Variants in HDAC2 observed in about 807,000 individuals in gnomAD.
HDAC2 encodes the protein histone deacetylase 2.
In HDAC2, 5 loss-of-function variants were observed where a neutral mutation model predicts 68.5. The ratio of observed to expected loss-of-function variants is 0.07; its 90% confidence interval spans 0.04 to 0.15. The LOEUF (loss-of-function observed/expected upper bound fraction) is 0.15. Among genes scored for constraint, HDAC2 ranks in the 10% least tolerant of loss-of-function variants. HDAC2 has a pLI of 1.00. For missense variants in HDAC2, 291 were observed against 600.8 expected (o/e 0.48, Z 5.39); for synonymous variants, 182 against 191.3 (o/e 0.95, Z 0.40).
intron 1 of HDAC2, among the ~76,000 whole-genome samples, chr6:113,969,164 G>A (rs982268596): frequency 6.6e-6 from 1 of 152,168 alleles, no homozygotes; most frequent in Non-Finnish European, 1.5e-5. Context: ...AAATTAAAAT[G>A]TATTTCCATC....
intron 12 of HDAC2, 105 bp downstream of exon 12, chr6:113,943,243 TTCC>T (rs1476809823): frequency 6.8e-5 from 53 of 778,788 alleles, no homozygotes; most frequent in Admixed American, 2.6e-4. Context: ...CCTAGCATAC[TTCC>T]TCCTGATACC....
chr6:113,945,191 A>G (rs1354982662), intron 10 of HDAC2, among the ~76,000 whole-genome samples, 171 bp downstream of exon 10: 1 of 134,580 alleles, frequency 7.4e-6, no homozygotes, highest in Non-Finnish European at 1.7e-5. Flanking sequence ...CAAAAAAATT[A>G]AAAATTAAAA....
At position 113,958,770 on chromosome 6, in the gene HDAC2, T is replaced by A. The variant is rs1196926544; in HGVS notation, c.166-4A>T. 2 of 1,487,918 alleles carry A rather than the reference T, an allele frequency of 1.3e-6. No homozygotes were observed. Among genetic ancestry groups the A allele is most frequent in the Non-Finnish European group, 1.9e-6 (2 of 1,066,026 alleles). 92.2% of individuals were successfully genotyped at this position (1,487,918 alleles called of 1,614,324 possible). A position where few individuals can be genotyped will look rare whatever the true frequency, so the allele number is the denominator to read the frequency against. ...CGGCAGTGGCTTTATGGGGCCTCTG[T>A]GAAGAGAAATAAATGTCAGAACTGT... On this transcript the variant is annotated splice_region_variant and splice_polypyrimidine_tract_variant and intron_variant, in intron 2 of 13. Coordinates refer to ENST00000519065, the MANE Select transcript of HDAC2 (RefSeq NM_001527.4).
chr6:113,964,573 T>C (rs932665508), intron 1 of HDAC2, among the ~76,000 whole-genome samples: 12 of 152,180 alleles, frequency 7.9e-5, no homozygotes, highest in Admixed American at 2.0e-4. Flanking sequence ...CAGTGAACAA[T>C]AGTTCTGCCC....
rs1776258476 is a variant in HDAC2, at chr6:113,946,147, A to T, written c.843T>A (p.Gly281=). 6.2e-7 allele frequency: 1 copy of T among 1,608,776 alleles called. No homozygotes were observed. Among genetic ancestry groups the T allele is most frequent in the South Asian group, 1.1e-5 (1 of 89,970 alleles). ...TTACAACTTCTACACATTTAGCATG[A>T]CCTAAGACAAGAAGATTTGGGTAAC... The part of the protein sequence containing the change: ...RLGCFNLTVK[G]HAKCVEVVKT... The change falls in exon 9 of 14, where the codon GGT becomes GGA. Residue 281 remains glycine (G), a splice_region_variant and synonymous_variant. Transcript: ENST00000519065.
intron 8 of HDAC2, 38 bp downstream of exon 8, chr6:113,948,941 C>T (rs1383797531): frequency 6.3e-7 from 1 of 1,599,880 alleles, no homozygotes; most frequent in South Asian, 1.1e-5. Flanking sequence ...GAAGAAAAAC[C>T]ATTTTTTTCT....
intron 3 of HDAC2, among the ~76,000 whole-genome samples, chr6:113,958,092 A>C (rs900075300): frequency 6.6e-6 from 1 of 152,226 alleles, no homozygotes; most frequent in Non-Finnish European, 1.5e-5. Context: ...TCAAGCTTTA[A>C]AAGATACTGT....
At chr6:113,960,824 G>T (rs1245596968) in intron 1 of HDAC2, among the ~76,000 whole-genome samples, 7 of 152,078 alleles carry the variant, frequency 4.6e-5, no homozygotes, top group Admixed American at 3.3e-4. Context: ...CTCTGTATCT[G>T]TGGATTCAAT....
chr6:113,944,177 G>A, intron 11 of HDAC2, 103 bp downstream of exon 11: 1 of 993,092 alleles, frequency 1.0e-6, no homozygotes, highest in Non-Finnish European at 1.6e-6. Context: ...AATATTAACA[G>A]TGTGCTCGTG....
intron 12 of HDAC2, among the ~76,000 whole-genome samples, chr6:113,943,000 A>G (rs1478705269): frequency 1.3e-5 from 2 of 152,146 alleles, no homozygotes; most frequent in East Asian, 3.8e-4. Context: ...AGCTTTAGGT[A>G]GCTAAAAATT....
At chr6:113,970,457 G>A (rs939670156) in intron 1 of HDAC2, 62 of 1,064,678 alleles carry the variant, frequency 5.8e-5, no homozygotes, top group Non-Finnish European at 6.9e-5. Context: ...GGGGGTAGGA[G>A]GCCGACGCGG....
chr6:113,968,355 G>A (rs1448255149), intron 1 of HDAC2: 1 of 152,116 alleles, frequency 6.6e-6, no homozygotes, highest in Non-Finnish European at 1.5e-5. Flanking sequence ...CTTTGATACA[G>A]AAGCTCCTTT....
At chr6:113,957,537 A>G (rs551994512) in intron 3 of HDAC2, among the ~76,000 whole-genome samples, 29 of 151,454 alleles carry the variant, frequency 1.9e-4, no homozygotes, top group African/African-American at 6.6e-4. Flanking sequence ...GCTGGAGTGC[A>G]ATGGCGTGAG....
At chr6:113,958,128 C>T (rs921401292) in intron 3 of HDAC2, among the ~76,000 whole-genome samples, 7 of 152,196 alleles carry the variant, frequency 4.6e-5, no homozygotes, top group Admixed American at 1.3e-4. Flanking sequence ...TTGACTTTTG[C>T]ATTCTACCTT....
intron 1 of HDAC2, among the ~76,000 whole-genome samples, chr6:113,965,563 G>A (rs1238050841): frequency 6.6e-6 from 1 of 152,126 alleles, no homozygotes; most frequent in Non-Finnish European, 1.5e-5. Flanking sequence ...AGTAGAGAGA[G>A]GGTTTCGCCA....
chr6:113,954,812 T>C (rs530177532), intron 5 of HDAC2, among the ~76,000 whole-genome samples: 1 of 152,196 alleles, frequency 6.6e-6, no homozygotes, highest in Non-Finnish European at 1.5e-5. Context: ...TAATACAAAG[T>C]AGAATCTGCT....
rs1320970879 is a variant in HDAC2 at position 113,939,435 on chromosome 6, A to C, written c.*1623T>G. The C allele has an allele frequency of 6.6e-6, 1 of 152,164 alleles. No homozygotes were observed. The highest frequency in any genetic ancestry group is 1.5e-5 in the Non-Finnish European group (1 of 68,042). 9.4% of individuals were successfully genotyped at this position (152,164 alleles called of 1,614,324 possible). A position where few individuals can be genotyped will look rare whatever the true frequency, so the allele number is the denominator to read the frequency against. ...TGTAACCAAACACCACCTGTTCCCC[A>C]ATAAGCTATGGAAAAATAAAAATAA... is the stretch of plus-strand genomic sequence containing the variant. On this transcript the variant is annotated 3_prime_UTR_variant, in exon 14 of 14. Coordinates refer to ENST00000519065, the MANE Select transcript of HDAC2 (RefSeq NM_001527.4).
At position 113,971,107 on chromosome 6, in the gene HDAC2, T is replaced by C; in HGVS notation, c.-199A>G. 2.6e-6 allele frequency: 4 copies of C among 1,540,684 alleles called. No homozygotes were observed. The highest frequency in any genetic ancestry group is 3.5e-6 in the Non-Finnish European group (4 of 1,140,916). ...ACCACCCGGCAGAGGTGCCGAAAGCTCGGAATCGGAGGTGGCAGCGGCACC... is the reference window on the plus strand; with the variant it reads ...ACCACCCGGCAGAGGTGCCGAAAGCCCGGAATCGGAGGTGGCAGCGGCACC... On this transcript the variant is annotated 5_prime_UTR_variant, in exon 1 of 14. Coordinates refer to ENST00000519065, the MANE Select transcript of HDAC2 (RefSeq NM_001527.4).
intron 5 of HDAC2, among the ~76,000 whole-genome samples, chr6:113,955,283 G>C (rs576131286): frequency 4.0e-5 from 6 of 151,078 alleles, no homozygotes; most frequent in Admixed American, 4.0e-4. Context: ...GTGCCATCTC[G>C]GCTCACTGCA....
Sources: gnomAD v4.1 joint callset for allele counts (sites outside exome capture counted in the v4.1 genomes callset) on GRCh38, gnomAD v4.1.1 for gene constraint, MANE v1.5 for transcripts, NCBI Gene and HGNC (gene_info 2026-07-23, HGNC 2026-07-21) for gene names.